Variants in RFPL2 observed in about 807,000 individuals in gnomAD.
The protein encoded by RFPL2 is ret finger protein like 2, also known as ret finger protein-like 2.
RFPL2 carries 13 observed loss-of-function variants against 17.8 expected under a neutral mutation model. That is an observed-to-expected ratio of 0.73 (90% confidence interval 0.47 to 1.16). The LOEUF is 1.16. Among genes scored for constraint, RFPL2 ranks in the 50% most tolerant of loss-of-function variants. The probability of loss-of-function intolerance (pLI) is 0.00; values close to 1 mark genes in which losing one functional copy is unlikely to be tolerated. For synonymous variants in RFPL2, 189 were observed against 180.9 expected (o/e 1.04, Z -0.36); for missense variants, 431 against 479.3 (o/e 0.90, Z 0.94).
chr22:32,202,189 T>A, intron 2 of RFPL2, 144 bp downstream of exon 2: 1 of 997,794 alleles, frequency 1.0e-6, no homozygotes. Flanking sequence ...ACTTTCTGTC[T>A]TCCTCTCCCT....
Position 32,194,326 on chromosome 22 carries a change from C to T in RFPL2, c.265+19G>A. On this transcript the variant is annotated intron_variant, in intron 3 of 4. Transcript: ENST00000652607. ...CTAGGCATCTAAGAGGAAAAACACA[C>T]ACACAGGCATGGGCTCACCTCTTCT... 6.3e-7 allele frequency: 1 copy of T among 1,594,662 alleles called. No individual in the cohort carries two copies. The highest frequency in any genetic ancestry group is 8.5e-7 in the Non-Finnish European group (1 of 1,174,438).
intron 2 of RFPL2, among the ~76,000 whole-genome samples, chr22:32,196,664 G>A (rs1181739648): frequency 6.6e-6 from 1 of 152,238 alleles, no homozygotes; most frequent in Non-Finnish European, 1.5e-5. Context: ...TGTAAAGAGT[G>A]TGAGAATGAC....
At chr22:32,193,420 G>T in intron 3 of RFPL2, 2 of 1,496,562 alleles carry the variant, frequency 1.3e-6, no homozygotes, top group Non-Finnish European at 1.8e-6. Context: ...CTGAGCTGAG[G>T]TGGAGGAAGC....
chr22:32,200,921 G>A (rs1923850795), intron 2 of RFPL2, among the ~76,000 whole-genome samples: 1 of 152,126 alleles, frequency 6.6e-6, no homozygotes, highest in African/African-American at 2.4e-5. Flanking sequence ...AAATTGGGAG[G>A]AAGTCAGGAC....
At chr22:32,196,184 T>C (rs1173960249) in intron 2 of RFPL2, among the ~76,000 whole-genome samples, 2 of 152,238 alleles carry the variant, frequency 1.3e-5, no homozygotes, top group Non-Finnish European at 2.9e-5. Flanking sequence ...ACTCAGGTCT[T>C]GACCCAGAGA....
At position 32,204,924 on chromosome 22, in the gene RFPL2, G is replaced by C. The variant is rs1924366028; in HGVS notation, c.-317C>G. ...TAACCAATCAGAACAAGATAACAAA[G>C]CCCGATCAGAGTAGGCCTAGAGGTT... On this transcript the variant is annotated 5_prime_UTR_variant, in exon 1 of 5. Transcript: ENST00000652607. Among the ~76,000 whole-genome samples the C allele has an allele frequency of 6.6e-6, 1 of 152,250 alleles. No individual in the cohort carries two copies. The highest frequency in any genetic ancestry group is 1.5e-5 in the Non-Finnish European group (1 of 68,044).
chr22:32,194,823 C>T (rs559413430), intron 2 of RFPL2, among the ~76,000 whole-genome samples: 1 of 152,326 alleles, frequency 6.6e-6, no homozygotes, highest in East Asian at 1.9e-4. Flanking sequence ...TAAGGGCAGG[C>T]ATTCCATTGA....
At chr22:32,200,078 A>G in intron 2 of RFPL2, 1 of 439,962 alleles carries the variant, frequency 2.3e-6, no homozygotes, top group African/African-American at 2.1e-5. Context: ...AGGGTATGGA[A>G]GTCACCAAGG....
chr22:32,204,352 G>A (rs1569357499), intron 1 of RFPL2, among the ~76,000 whole-genome samples: 1 of 152,050 alleles, frequency 6.6e-6, no homozygotes, highest in African/African-American at 2.4e-5. Context: ...AAGCCACCCC[G>A]CGGCTGCGGG....
At position 32,191,810 on chromosome 22, in the gene RFPL2, G is replaced by A. The variant is rs5998289; in HGVS notation, c.557-458C>T. Among the ~76,000 whole-genome samples, 154 of 152,078 alleles carry A rather than the reference G, an allele frequency of 1.0e-3. 2 individuals carry two copies. Among genetic ancestry groups the A allele is most frequent in the African/African-American group, 3.1e-3 (130 of 41,456 alleles). ...TTCCATGTTTGTAAACAAATTAATC[G>A]TGTACAGTTCTGACAGAAGATGGAA... On this transcript the variant is annotated intron_variant, in intron 4 of 4. Coordinates refer to ENST00000652607, the MANE Select transcript of RFPL2 (RefSeq NM_001394555.1).
rs797006279 is a variant in RFPL2 at position 32,198,279 on chromosome 22, G to C, written c.120-3789C>G. 4.6e-5 allele frequency among the ~76,000 whole-genome samples: 7 copies of C among 152,194 alleles called. 1 individual carries two copies. The highest frequency in any genetic ancestry group is 1.7e-4 in the African/African-American group (7 of 41,532). On this transcript the variant is annotated intron_variant, in intron 2 of 4. Coordinates refer to ENST00000652607, the MANE Select transcript of RFPL2 (RefSeq NM_001394555.1). ...CAAGGAGCTCCTTCCCCCTATTCCT[G>C]GGCCACAGTCAAAGGGAAAACCTGA...
In RFPL2 at chr22:32,202,482, G is replaced by A; in HGVS notation, c.-31C>T. 1.3e-6 allele frequency: 2 copies of A among 1,563,140 alleles called. No homozygotes were observed. The highest frequency in any genetic ancestry group is 1.7e-6 in the Non-Finnish European group (2 of 1,153,720). On this transcript the variant is annotated 5_prime_UTR_variant, in exon 2 of 5. Transcript: ENST00000652607. ...GCAAATCATGGTGCCACAGGCTCTA[G>A]CCTCCAGCCCGTGGCATGTAGCTCC...
rs1378442644 is a variant in RFPL2 at position 32,200,905 on chromosome 22, C to T, written c.119+1428G>A. On this transcript the variant is annotated intron_variant, in intron 2 of 4. Transcript: ENST00000652607. ...CTTCACCTTACAGCAGGTTCAGAGG[C>T]GTAAAAAATTGGGAGGAAGTCAGGA... is the stretch of plus-strand genomic sequence containing the variant. Among the ~76,000 whole-genome samples, 8 of 152,004 alleles carry T rather than the reference C, an allele frequency of 5.3e-5. No individual in the cohort carries two copies. The East Asian group carries it at 1.5e-3, about 29-fold the overall frequency.
At chr22:32,191,464 T>G in intron 4 of RFPL2, 112 bp from the exon 5 acceptor site, 4 of 1,366,936 alleles carry the variant, frequency 2.9e-6, no homozygotes, top group Non-Finnish European at 4.0e-6. Flanking sequence ...AATTCTCTTC[T>G]TCCCCCAAAA....
intron 1 of RFPL2, among the ~76,000 whole-genome samples, chr22:32,204,299 G>T (rs1924310252): frequency 1.3e-5 from 2 of 151,154 alleles, no homozygotes; most frequent in African/African-American, 2.4e-5. Context: ...CCCCCAACCC[G>T]TACCCCAGCG....
intron 2 of RFPL2, among the ~76,000 whole-genome samples, 156 bp downstream of exon 2, chr22:32,202,177 C>T (rs150560654): frequency 1.3e-5 from 2 of 152,108 alleles, no homozygotes; most frequent in Admixed American, 6.5e-5. Context: ...TTCTCTCCCC[C>T]CACTTTCTGT....
At position 32,204,708 on chromosome 22, in the gene RFPL2, T is replaced by C. The variant is rs896427351; in HGVS notation, c.-101A>G. On this transcript the variant is annotated splice_region_variant and 5_prime_UTR_variant, in exon 1 of 5. Coordinates refer to ENST00000652607, the MANE Select transcript of RFPL2 (RefSeq NM_001394555.1). ...GGGACAGGTGACTCCTCCTCTAACCTGGGCATGGAGCAGATGGGCTGGCAG... is the reference window on the plus strand; with the variant it reads ...GGGACAGGTGACTCCTCCTCTAACCCGGGCATGGAGCAGATGGGCTGGCAG... Among the ~76,000 whole-genome samples, 1 of 152,056 alleles carries C rather than the reference T, an allele frequency of 6.6e-6. No individual in the cohort carries two copies. Among genetic ancestry groups the C allele is most frequent in the Non-Finnish European group, 1.5e-5 (1 of 67,988 alleles).
intron 4 of RFPL2, among the ~76,000 whole-genome samples, chr22:32,192,084 T>G (rs185461691): frequency 6.6e-6 from 1 of 152,088 alleles, no homozygotes; most frequent in Admixed American, 6.5e-5. Flanking sequence ...AGGAAGAGGG[T>G]TCCAAACATG....
intron 4 of RFPL2, among the ~76,000 whole-genome samples, chr22:32,191,831 T>A (rs779895199): frequency 1.3e-5 from 2 of 151,974 alleles, no homozygotes; most frequent in Non-Finnish European, 2.9e-5. Context: ...TGACAGAAGA[T>A]GGAATATCTC....
Sources: gnomAD v4.1 joint callset for allele counts (sites outside exome capture counted in the v4.1 genomes callset) on GRCh38, gnomAD v4.1.1 for gene constraint, MANE v1.5 for transcripts, NCBI Gene and HGNC (gene_info 2026-07-23, HGNC 2026-07-21) for gene names.